The following SLC38A9 variants were observed in gnomAD, a reference collection of about 807,000 sequenced individuals.
The protein encoded by SLC38A9 is solute carrier family 38 member 9.
SLC38A9 carries 48 observed loss-of-function variants against 62.3 expected under a neutral mutation model. The ratio of observed to expected loss-of-function variants is 0.77; its 90% CI spans 0.61 to 0.98. The LOEUF is 0.98. Among genes scored for constraint, SLC38A9 ranks in the 50% least tolerant of loss-of-function variants. SLC38A9 has a pLI of 0.00. For missense variants in SLC38A9, 541 were observed against 679.8 expected (o/e 0.80, Z 2.27); for synonymous variants, 204 against 227.7 (o/e 0.90, Z 0.94).
At chr5:55,649,495 A>G (rs1232043450) in intron 10 of SLC38A9, among the ~76,000 whole-genome samples, 181 bp from the exon 11 acceptor site, 1 of 95,480 alleles carries the variant, frequency 1.0e-5, no homozygotes, top group Non-Finnish European at 2.6e-5. Flanking sequence ...GTTACCAGAA[A>G]AAAAACAAAA....
At chr5:55,632,849 C>T (rs1743735395) in intron 14 of SLC38A9, among the ~76,000 whole-genome samples, 1 of 152,120 alleles carries the variant, frequency 6.6e-6, no homozygotes, top group African/African-American at 2.4e-5. Flanking sequence ...ACAGAGGGGC[C>T]TTGCTGGAGT....
intron 11 of SLC38A9, among the ~76,000 whole-genome samples, chr5:55,646,370 CA>C (rs1005477296): frequency 3.4e-5 from 5 of 148,038 alleles, no homozygotes; most frequent in Admixed American, 6.7e-5. Flanking sequence ...GACTCCATCT[CA>C]AAAAAAAAAG....
chr5:55,687,078 T>TTG (rs1421671894), intron 3 of SLC38A9, among the ~76,000 whole-genome samples: 5 of 149,046 alleles, frequency 3.4e-5, no homozygotes, highest in African/African-American at 1.2e-4. Context: ...TTTTTTTTTT[T>TTG]TTTTTTTTTT....
At chr5:55,639,272 T>TAAAA (rs753043231) in intron 12 of SLC38A9, among the ~76,000 whole-genome samples, 850 of 54,504 alleles carry the variant, frequency 0.016, 8 homozygotes, top group Middle Eastern at 0.042. Flanking sequence ...AAACTCTGTC[T>TAAAA]AAAAAAAAAA....
At chr5:55,662,687 C>CAAAAAAAAAAAAAAAAAAAAAA (rs200454419) in intron 8 of SLC38A9, among the ~76,000 whole-genome samples, 1 of 141,130 alleles carries the variant, frequency 7.1e-6, no homozygotes, top group Non-Finnish European at 1.5e-5. Flanking sequence ...AAAAAAAAAC[C>CAAAAAAAAAAAAAAAAAAAAAA]AAAAAAAAAA....
intron 12 of SLC38A9, among the ~76,000 whole-genome samples, chr5:55,637,839 G>A (rs1254106184): frequency 2.6e-5 from 4 of 152,242 alleles, no homozygotes; most frequent in South Asian, 2.1e-4. Flanking sequence ...TACAAAACTC[G>A]TTTGTGGCTG....
At chr5:55,703,188 A>AC (rs1261439702) in intron 2 of SLC38A9, among the ~76,000 whole-genome samples, 2 of 120,758 alleles carry the variant, frequency 1.7e-5, no homozygotes, top group African/African-American at 5.6e-5. Context: ...CATGATCCCT[A>AC]CCCTCAATAA....
At position 55,672,024 on chromosome 5, in the gene SLC38A9, T is replaced by A. The variant is rs185113298; in HGVS notation, c.246+539A>T. 6.6e-3 allele frequency among the ~76,000 whole-genome samples: 1,005 copies of A among 151,732 alleles called. 13 individuals are homozygous for A. The highest frequency in any genetic ancestry group is 0.023 in the African/African-American group (968 of 41,398). On this transcript the variant is annotated intron_variant, in intron 4 of 15. Coordinates refer to ENST00000396865, the MANE Select transcript of SLC38A9 (RefSeq NM_173514.4). ...CATCATGCTTGGCTAATTAAAAAAA[T>A]TTTTTTTTGTAGAGACAGGGTTTCA...
chr5:55,706,069 C>A (rs11952464), intron 2 of SLC38A9, among the ~76,000 whole-genome samples: 95,920 of 151,660 alleles, frequency 0.63, 30,754 homozygotes, highest in South Asian at 0.73. Flanking sequence ...GCCTGGGTAT[C>A]CGGATTACAC....
At chr5:55,657,839 GTA>G (rs1748727463) in intron 8 of SLC38A9, 1 of 152,150 alleles carries the variant, frequency 6.6e-6, no homozygotes, top group Non-Finnish European at 1.5e-5. Context: ...CATCTTCACC[GTA>G]TGTTTCTCAA....
rs770830295 is a variant in SLC38A9 at position 55,669,887 on chromosome 5, A to T, written c.247-8T>A. The T allele has an allele frequency of 4.9e-5, 77 of 1,581,306 alleles. No individual in the cohort carries two copies. Among genetic ancestry groups the T allele is most frequent in the Non-Finnish European group, 6.2e-5 (72 of 1,168,208 alleles). ...TACATGGTCTGGGGCAATCTGGTAA[A>T]AAGGAAACATAGATAAATTTCAGAA... On this transcript the variant is annotated splice_polypyrimidine_tract_variant and splice_region_variant and intron_variant, in intron 4 of 15. Transcript: ENST00000396865.
chr5:55,646,980 A>C (rs528840745), intron 11 of SLC38A9, among the ~76,000 whole-genome samples: 1 of 152,000 alleles, frequency 6.6e-6, no homozygotes, highest in Admixed American at 6.6e-5. Flanking sequence ...CTGGTCTTGA[A>C]CTCAAGTAAT....
intron 9 of SLC38A9, 42 bp from the exon 10 acceptor site, chr5:55,652,765 C>A (rs201177673): frequency 5.6e-6 from 8 of 1,425,578 alleles, no homozygotes; most frequent in South Asian, 2.8e-5. Flanking sequence ...TGACAAAAAA[C>A]AAAACAAAAC....
intron 10 of SLC38A9, among the ~76,000 whole-genome samples, 172 bp downstream of exon 10, chr5:55,652,357 C>CAAAAAAAAAAAAAAAAA (rs60557392): frequency 1.8e-4 from 10 of 56,158 alleles, no homozygotes; most frequent in Non-Finnish European, 2.9e-4. Flanking sequence ...AACTCCGTCT[C>CAAAAAAAAAAAAAAAAA]AAAAAAAAAA....
intron 12 of SLC38A9, among the ~76,000 whole-genome samples, chr5:55,643,577 C>T (rs1561320906): frequency 6.6e-6 from 1 of 152,146 alleles, no homozygotes; most frequent in Non-Finnish European, 1.5e-5. Context: ...TTCCTCTACC[C>T]TTACTGATTT....
At chr5:55,650,941 G>A (rs11748569) in intron 10 of SLC38A9, among the ~76,000 whole-genome samples, 90,428 of 151,762 alleles carry the variant, frequency 0.6, 27,598 homozygotes, top group South Asian at 0.7. Flanking sequence ...ACAGGCATGC[G>A]CCACCATGCC....
At chr5:55,628,024 AATAG>A in intron 14 of SLC38A9, 44 bp from the exon 15 acceptor site, 1 of 1,318,178 alleles carries the variant, frequency 7.6e-7, no homozygotes, top group Non-Finnish European at 1.1e-6. Flanking sequence ...AAAATATAAA[AATAG>A]GCAAATTATA....
At chr5:55,652,404 C>G (rs776802489) in intron 10 of SLC38A9, 125 bp downstream of exon 10, 1 of 373,100 alleles carries the variant, frequency 2.7e-6, no homozygotes, top group East Asian at 4.2e-5. Flanking sequence ...AAAACAAAAA[C>G]GAATGAACAA....
At chr5:55,705,989 G>A (rs1273807031) in intron 2 of SLC38A9, among the ~76,000 whole-genome samples, 4 of 152,132 alleles carry the variant, frequency 2.6e-5, no homozygotes, top group African/African-American at 9.7e-5. Flanking sequence ...ATTACAGGCA[G>A]GAGCCACCGT....
Sources: allele counts gnomAD v4.1 joint callset (sites outside exome capture counted in the v4.1 genomes callset), GRCh38; gene constraint gnomAD v4.1.1; transcripts MANE v1.5; gene names NCBI Gene and HGNC (gene_info 2026-07-23, HGNC 2026-07-21).